HDAC11: variants seen among roughly 807,000 people sequenced by gnomAD.
The protein encoded by HDAC11 is histone deacetylase 11.
A neutral mutation model predicts 41.1 loss-of-function variants in HDAC11; 23 were observed. That is an observed-to-expected ratio of 0.56 (90% CI 0.40 to 0.79). HDAC11 has a LOEUF of 0.79. Among genes scored for constraint, HDAC11 ranks in the 30% least tolerant of loss-of-function variants. HDAC11 has a pLI of 0.00. For synonymous variants in HDAC11, 187 were observed against 186.6 expected (o/e 1.00, Z -0.02); for missense variants, 402 against 477.3 (o/e 0.84, Z 1.47).
chr3:13,498,135 C>T (rs1208737765), intron 4 of HDAC11, among the ~76,000 whole-genome samples: 2 of 152,192 alleles, frequency 1.3e-5, no homozygotes, highest in Non-Finnish European at 2.9e-5. Context: ...GGATTACAGG[C>T]GTGAGCCACT....
chr3:13,500,868 C>T (rs963667767), intron 6 of HDAC11, 79 bp downstream of exon 6: 21 of 1,113,640 alleles, frequency 1.9e-5, no homozygotes, highest in Non-Finnish European at 2.5e-5. Flanking sequence ...TAACTGTTCT[C>T]ACCCTGAATT....
chr3:13,500,556 C>T (rs1414031105), intron 5 of HDAC11, among the ~76,000 whole-genome samples, 157 bp from the exon 6 acceptor site: 1 of 152,174 alleles, frequency 6.6e-6, no homozygotes, highest in African/African-American at 2.4e-5. Flanking sequence ...TGGTGACATG[C>T]CCCAGCACTC....
At chr3:13,493,706 C>T (rs1011302049) in intron 3 of HDAC11, among the ~76,000 whole-genome samples, 4 of 152,320 alleles carry the variant, frequency 2.6e-5, no homozygotes, top group Admixed American at 1.3e-4. Flanking sequence ...CTTCACTGCC[C>T]GAAGCCTGCT....
chr3:13,484,393 G>C (rs1410819997), intron 3 of HDAC11, among the ~76,000 whole-genome samples: 1 of 152,224 alleles, frequency 6.6e-6, no homozygotes, highest in Non-Finnish European at 1.5e-5. Context: ...ACAAGTGGGA[G>C]GGCCGGTGGT....
In HDAC11 at chr3:13,502,358, C is replaced by A; in HGVS notation, c.552+425C>A. 5.1e-6 allele frequency: 1 copy of A among 197,094 alleles called. No individual in the cohort carries two copies. Among genetic ancestry groups the A allele is most frequent in the Non-Finnish European group, 1.0e-5 (1 of 96,516 alleles). 12.2% of individuals were successfully genotyped at this position (197,094 alleles called of 1,614,324 possible). The stretch of plus-strand genomic sequence containing the variant: ...CTGGGGTCACCATTTAAGAACTCGG[C>A]GCCTAGGGAGTAAAGTGTCAAAGCA... On this transcript the variant is annotated intron_variant, in intron 7 of 9. Transcript: ENST00000295757. This position sits in a 1 kb window ranked among gnomAD's most constrained non-coding sequence, Gnocchi z 4.1.
rs780959933 is a variant in HDAC11 at position 13,504,627 on chromosome 3, C to G, written c.988C>G (p.Pro330Ala). ...FGLGLIGPES[P>A]SVSAQNSDTP... is the part of the protein sequence containing the mutation. ...CCTGGGGCTCATTGGGCCTGAGTCA[C>G]CCAGCGTCTCCGCACAGAACTCAGA... The change falls in exon 10 of 10, where the codon CCC becomes GCC. Residue 330 changes from proline (P) to alanine (A), a missense_variant. Pro to Ala is a conservative substitution (Grantham distance 27, BLOSUM62 -1). Transcript: ENST00000295757. The G allele has an allele frequency of 2.5e-6, 4 of 1,613,732 alleles. No individual in the cohort carries two copies. The highest frequency in any genetic ancestry group is 1.3e-5 in the African/African-American group (1 of 74,958).
intron 3 of HDAC11, among the ~76,000 whole-genome samples, chr3:13,491,657 G>A (rs992815692): frequency 6.6e-6 from 1 of 152,230 alleles, no homozygotes; most frequent in African/African-American, 2.4e-5. Context: ...CTGAGTAGAT[G>A]GGGCAGTAGG....
At chr3:13,486,095 C>T (rs1341213367) in intron 3 of HDAC11, among the ~76,000 whole-genome samples, 1 of 151,924 alleles carries the variant, frequency 6.6e-6, no homozygotes, top group Non-Finnish European at 1.5e-5. Context: ...TGGAGAAACC[C>T]TGTCTCTACT....
In HDAC11 at chr3:13,500,707, C is replaced by T. The variant is rs1171783077; in HGVS notation, c.413-6C>T. The T allele has an allele frequency of 6.3e-7, 1 of 1,586,000 alleles. No individual in the cohort carries two copies. Among genetic ancestry groups the T allele is most frequent in the Non-Finnish European group, 8.6e-7 (1 of 1,165,214 alleles). On this transcript the variant is annotated splice_region_variant and splice_polypyrimidine_tract_variant and intron_variant, in intron 5 of 9. Coordinates refer to ENST00000295757, the MANE Select transcript of HDAC11 (RefSeq NM_024827.4). The stretch of plus-strand genomic sequence containing the variant: ...CTGAGCAGCACCGCTCTCTGCCCTT[C>T]CGCAGGGGGTGGCTTCCACCACTGC...
At chr3:13,491,698 C>A (rs888204514) in intron 3 of HDAC11, among the ~76,000 whole-genome samples, 1 of 152,230 alleles carries the variant, frequency 6.6e-6, no homozygotes, top group Non-Finnish European at 1.5e-5. Context: ...CCAGTCATGT[C>A]CTGCTCTCTG....
At position 13,488,241 on chromosome 3, in the gene HDAC11, T is replaced by A. The variant is rs577170302; in HGVS notation, c.252+4677T>A. Among the ~76,000 whole-genome samples the A allele has an allele frequency of 1.1e-4, 17 of 151,964 alleles. No individual in the cohort carries two copies. The East Asian group carries it at 3.1e-3, about 28-fold the overall frequency. On this transcript the variant is annotated intron_variant, in intron 3 of 9. Transcript: ENST00000295757. ...TTCCCTGAGGGGCTCCTCTCTCCTT[T>A]AAAAAAAAATTTTTTTTAATTGTGG...
At chr3:13,504,025 T>C (rs1433502076) in intron 8 of HDAC11, 69 bp from the exon 9 acceptor site, 1 of 1,439,684 alleles carries the variant, frequency 6.9e-7, no homozygotes, top group Non-Finnish European at 9.6e-7. Flanking sequence ...TTGCCTGGTG[T>C]CCACAGTCTT....
intron 4 of HDAC11, among the ~76,000 whole-genome samples, chr3:13,497,741 ATG>A (rs1409115420): frequency 6.6e-6 from 1 of 151,558 alleles, no homozygotes; most frequent in African/African-American, 2.4e-5. Context: ...CAGTTCTGTT[ATG>A]TTTGTAAATT....
At chr3:13,486,381 A>G (rs1461136575) in intron 3 of HDAC11, among the ~76,000 whole-genome samples, 2 of 151,572 alleles carry the variant, frequency 1.3e-5, no homozygotes, top group East Asian at 3.9e-4. Flanking sequence ...CTCTGCCACC[A>G]TGGATTTGCA....
chr3:13,488,528 T>C (rs1701701215), intron 3 of HDAC11, among the ~76,000 whole-genome samples: 1 of 152,242 alleles, frequency 6.6e-6, no homozygotes, highest in Non-Finnish European at 1.5e-5. Flanking sequence ...ATATGTGACC[T>C]TTTGTGTCTG....
chr3:13,482,814 T>C lies in HDAC11; in HGVS notation c.152-650T>C, dbSNP rs759680685. ...ATTTATTTATTTGTTTATTTATTTA[T>C]TGAGACAGGGTCTCACTCCCATCAC... On this transcript the variant is annotated intron_variant, in intron 2 of 9. Transcript: ENST00000295757. Among the ~76,000 whole-genome samples, 63 of 152,260 alleles carry C rather than the reference T, an allele frequency of 4.1e-4. 1 individual carries two copies. The highest frequency in any genetic ancestry group is 1.5e-3 in the South Asian group (7 of 4,824).
At chr3:13,494,054 AAT>A (rs989981488) in intron 3 of HDAC11, among the ~76,000 whole-genome samples, 23 of 152,364 alleles carry the variant, frequency 1.5e-4, no homozygotes, top group Admixed American at 3.9e-4. Context: ...ATGTGCTGCA[AAT>A]CTCCAGGAGG....
chr3:13,481,348 T>A lies in HDAC11; in HGVS notation c.105T>A (p.His35Gln), dbSNP rs1169722225. Residue 35 changes from histidine (H) to glutamine (Q), a missense_variant, in exon 2 of 10, where the codon CAT becomes CAA. Physicochemically the swap from His to Gln is conservative, Grantham distance 24. Transcript: ENST00000295757. ...NITFMGLEKL[H>Q]PFDAGKWGKV... ...CCTTCATGGGCCTGGAGAAGCTGCA[T>A]CCCTTTGATGCCGGAAAATGGGGCA... The A allele has an allele frequency of 6.2e-7, 1 of 1,613,974 alleles. No individual in the cohort carries two copies. Among genetic ancestry groups the A allele is most frequent in the African/African-American group, 1.3e-5 (1 of 74,902 alleles).
chr3:13,482,519 G>A (rs909460783), intron 2 of HDAC11, among the ~76,000 whole-genome samples: 2 of 152,122 alleles, frequency 1.3e-5, no homozygotes, highest in Non-Finnish European at 2.9e-5. Context: ...GCAGTGGCTC[G>A]TGCCTGTAAT....
Sources: allele counts gnomAD v4.1 joint callset (sites outside exome capture counted in the v4.1 genomes callset), GRCh38; gene constraint gnomAD v4.1.1; non-coding constraint Gnocchi (gnomAD v3.1); transcripts MANE v1.5; gene names NCBI Gene and HGNC (gene_info 2026-07-23, HGNC 2026-07-21).